Variants in CCDC148 observed in about 807,000 individuals in gnomAD.
CCDC148 encodes coiled-coil domain-containing protein 148.
Under a neutral mutation model 85.7 loss-of-function variants are expected in CCDC148, and 89 were observed. That is an observed-to-expected ratio of 1.04 (90% CI 0.87 to 1.24). The LOEUF (loss-of-function observed/expected upper bound fraction) is 1.24, where lower values mean the gene tolerates loss of function less well. Ranked by LOEUF, CCDC148 falls within the 50% of genes most tolerant of loss-of-function variation. CCDC148 has a pLI of 0.00. For synonymous variants in CCDC148, 230 were observed against 213.9 expected, an observed-to-expected ratio of 1.08 and a Z score of -0.66; for missense variants, 692 against 671.7, an observed-to-expected ratio of 1.03 and a Z score of -0.33.
chr2:158,372,490 A>G (rs1423437977), intron 1 of CCDC148, among the ~76,000 whole-genome samples: 13 of 152,010 alleles, frequency 8.6e-5, no homozygotes, highest in Admixed American at 6.6e-4. Context: ...ATGACTTGCC[A>G]TTTTGGACAT....
chr2:158,274,933 C>T (rs183594223), intron 9 of CCDC148, among the ~76,000 whole-genome samples: 1 of 152,170 alleles, frequency 6.6e-6, no homozygotes, highest in African/African-American at 2.4e-5. Context: ...AAAAGGATTT[C>T]AAGATGAAAG....
At chr2:158,351,201 A>G (rs113558390) in intron 2 of CCDC148, among the ~76,000 whole-genome samples, 26,975 of 152,220 alleles carry the variant, frequency 0.18, 3,107 homozygotes, top group Middle Eastern at 0.26. Context: ...AGCAAACAGT[A>G]AACTTCATAA....
At chr2:158,259,254 TTTC>T (rs1689125358) in intron 9 of CCDC148, among the ~76,000 whole-genome samples, 1 of 151,876 alleles carries the variant, frequency 6.6e-6, no homozygotes, top group Non-Finnish European at 1.5e-5. Flanking sequence ...CTGCTTACTT[TTTC>T]TTCAAGGTAA....
rs537514837 is a variant in CCDC148, at chr2:158,365,462, A to G, written c.26-6892T>C. On this transcript the variant is annotated intron_variant, in intron 1 of 13. Transcript: ENST00000283233. ...AAAATGTGGCACATATACACCATGA[A>G]ATACTATGCAGCCATAAAAAAGGAT... 6.9e-4 allele frequency among the ~76,000 whole-genome samples: 105 copies of G among 152,296 alleles called. 1 individual carries two copies. Among genetic ancestry groups the G allele is most frequent in the African/African-American group, 2.4e-3 (101 of 41,556 alleles).
chr2:158,228,282 T>G (rs559925348), intron 10 of CCDC148, among the ~76,000 whole-genome samples: 43 of 152,140 alleles, frequency 2.8e-4, no homozygotes, highest in African/African-American at 5.1e-4. Context: ...CAGTTAGAAT[T>G]GCAATCATTA....
At chr2:158,286,743 C>G (rs1348034327) in intron 9 of CCDC148, among the ~76,000 whole-genome samples, 1 of 151,980 alleles carries the variant, frequency 6.6e-6, no homozygotes, top group Admixed American at 6.6e-5. Context: ...AAGGACAGAG[C>G]TTACAATAAA....
chr2:158,233,470 T>C (rs149395265), intron 10 of CCDC148, among the ~76,000 whole-genome samples: 11 of 151,410 alleles, frequency 7.3e-5, no homozygotes, highest in African/African-American at 2.7e-4. Flanking sequence ...GCATGCCTTA[T>C]ACTATCATGT....
intron 9 of CCDC148, among the ~76,000 whole-genome samples, chr2:158,279,244 A>G (rs1462626474): frequency 6.6e-6 from 1 of 152,244 alleles, no homozygotes; most frequent in African/African-American, 2.4e-5. Context: ...AAAGGATCGC[A>G]GTTCCTCACC....
chr2:158,204,611 G>A (rs906694575), intron 11 of CCDC148, among the ~76,000 whole-genome samples: 5 of 152,152 alleles, frequency 3.3e-5, no homozygotes, highest in South Asian at 4.2e-4. Context: ...CAGCCCAGAC[G>A]AAAGAAGACA....
At chr2:158,332,530 G>A (rs1310731616) in intron 7 of CCDC148, among the ~76,000 whole-genome samples, 1 of 147,084 alleles carries the variant, frequency 6.8e-6, no homozygotes, top group African/African-American at 2.6e-5. Flanking sequence ...TTTGGTATCA[G>A]GATGATGCTG....
At chr2:158,297,325 T>A (rs1474814579) in intron 9 of CCDC148, among the ~76,000 whole-genome samples, 3 of 152,150 alleles carry the variant, frequency 2.0e-5, no homozygotes, top group Non-Finnish European at 4.4e-5. Context: ...CAAATGAAAG[T>A]AAATTACATC....
chr2:158,396,719 T>A (rs993024362), intron 1 of CCDC148, among the ~76,000 whole-genome samples: 1 of 152,108 alleles, frequency 6.6e-6, no homozygotes, highest in Non-Finnish European at 1.5e-5. Flanking sequence ...ATATAATGCA[T>A]GTTCAGAAGT....
In CCDC148 at chr2:158,171,856, A is replaced by G. The variant is rs955363757; in HGVS notation, c.*257T>C. The G allele has an allele frequency of 4.3e-6, 1 of 233,926 alleles. No individual in the cohort carries two copies. Among genetic ancestry groups the G allele is most frequent in the Non-Finnish European group, 8.1e-6 (1 of 123,098 alleles). The allele number at this position is 233,926 out of a possible 1,614,324, so 14.5% of individuals were successfully genotyped here. ...CCTCCAACATGTAGTTTACTAAATT[A>G]TAGTATAAGTACTATATGTGCCATA... On this transcript the variant is annotated 3_prime_UTR_variant, in exon 14 of 14. Coordinates refer to ENST00000283233, the MANE Select transcript of CCDC148 (RefSeq NM_138803.4).
chr2:158,406,048 AC>A (rs1231880011), intron 1 of CCDC148, among the ~76,000 whole-genome samples: 2 of 152,170 alleles, frequency 1.3e-5, no homozygotes, highest in Admixed American at 1.3e-4. Flanking sequence ...GGGTGGCTCT[AC>A]ATGGTGTGGC....
intron 9 of CCDC148, among the ~76,000 whole-genome samples, chr2:158,278,848 C>T (rs1438424440): frequency 6.6e-6 from 1 of 152,242 alleles, no homozygotes; most frequent in Non-Finnish European, 1.5e-5. Flanking sequence ...CGACCCCTGA[C>T]CCCTGAGCAG....
chr2:158,442,167 G>A (rs1687962632), intron 1 of CCDC148, among the ~76,000 whole-genome samples: 1 of 152,156 alleles, frequency 6.6e-6, no homozygotes, highest in East Asian at 1.9e-4. Flanking sequence ...TTTAAAGGTA[G>A]TATTGAAAAT....
chr2:158,328,691 T>G (rs550119063), intron 7 of CCDC148, among the ~76,000 whole-genome samples: 1 of 152,328 alleles, frequency 6.6e-6, no homozygotes, highest in Non-Finnish European at 1.5e-5. Context: ...TCCTCACTTT[T>G]TAATGACTGC....
intron 10 of CCDC148, among the ~76,000 whole-genome samples, chr2:158,238,954 C>T (rs978027292): frequency 6.6e-6 from 1 of 152,136 alleles, no homozygotes; most frequent in Non-Finnish European, 1.5e-5. Context: ...GGTTCAAATC[C>T]TTACTGCACA....
intron 9 of CCDC148, among the ~76,000 whole-genome samples, chr2:158,291,953 C>T (rs1690914471): frequency 6.6e-6 from 1 of 152,212 alleles, no homozygotes; most frequent in African/African-American, 2.4e-5. Context: ...AATTCCATCT[C>T]TTGTGAAAGT....
Sources: gnomAD v4.1 joint callset for allele counts (sites outside exome capture counted in the v4.1 genomes callset) on GRCh38, gnomAD v4.1.1 for gene constraint, MANE v1.5 for transcripts, NCBI Gene and HGNC (gene_info 2026-07-23, HGNC 2026-07-21) for gene names.